Variants in CSNK1G3 observed in about 807,000 individuals in gnomAD.
CSNK1G3 encodes the protein casein kinase I isoform gamma-3.
In CSNK1G3, 23 loss-of-function variants were observed where a neutral mutation model predicts 64.3. The ratio of observed to expected loss-of-function variants is 0.36; its 90% CI spans 0.26 to 0.51. The LOEUF (loss-of-function observed/expected upper bound fraction) is 0.51, where lower values mean the gene tolerates loss of function less well. Ranked by LOEUF, CSNK1G3 falls within the 20% of genes least tolerant of loss-of-function variation. The probability of loss-of-function intolerance (pLI) is 0.96; values close to 1 mark genes in which losing one functional copy is unlikely to be tolerated. For missense variants in CSNK1G3, 357 were observed against 510.5 expected (o/e 0.70, Z 2.90); for synonymous variants, 158 against 162.2 (o/e 0.97, Z 0.20).
At chr5:123,534,507 G>A (rs374247593) in intron 1 of CSNK1G3, among the ~76,000 whole-genome samples, 5 of 152,180 alleles carry the variant, frequency 3.3e-5, no homozygotes, top group African/African-American at 1.2e-4. Flanking sequence ...GATTTTTCTT[G>A]AGGGCTTGAA....
chr5:123,575,119 C>G (rs997260728), intron 5 of CSNK1G3, among the ~76,000 whole-genome samples: 18 of 152,010 alleles, frequency 1.2e-4, no homozygotes, highest in African/African-American at 3.9e-4. Context: ...AAATAATTAA[C>G]AAAAATGAGC....
intron 10 of CSNK1G3, among the ~76,000 whole-genome samples, chr5:123,600,461 C>CT (rs1794264915): frequency 6.6e-6 from 1 of 151,770 alleles, no homozygotes; most frequent in African/African-American, 2.4e-5. Context: ...CCCATCTCTA[C>CT]TAAAAATACA....
chr5:123,605,376 G>T lies in CSNK1G3; in HGVS notation c.1217+14G>T. The T allele has an allele frequency of 6.2e-7, 1 of 1,609,236 alleles. No individual in the cohort carries two copies. The highest frequency in any genetic ancestry group is 8.5e-7 in the Non-Finnish European group (1 of 1,177,884). ...GTTGAACATGTGGTGAGTCTCAAGT[G>T]TAGGCAGGCAGAAATAGCTCCATTG... On this transcript the variant is annotated intron_variant, in intron 12 of 12. Transcript: ENST00000345990.
chr5:123,575,464 A>G (rs1398550990), intron 5 of CSNK1G3, among the ~76,000 whole-genome samples: 3 of 152,224 alleles, frequency 2.0e-5, no homozygotes, highest in Admixed American at 6.5e-5. Context: ...GAAAGTGTTC[A>G]TTGAATCAGG....
Position 123,559,641 on chromosome 5 carries a change from GAC to G in CSNK1G3, c.289+2081_289+2082del, listed in dbSNP as rs138799653. 1.6e-3 allele frequency among the ~76,000 whole-genome samples: 243 copies of G among 151,150 alleles called. 1 individual carries two copies. The highest frequency in any genetic ancestry group is 2.6e-3 in the Non-Finnish European group (175 of 67,900). On this transcript the variant is annotated intron_variant, in intron 4 of 12. Transcript: ENST00000345990. Reference sequence around the variant, plus strand: ...TTGCATCATGGTGGCTCTGAGCTGTGACACATGTGGATATTTTTTAGTATTTT... The same window carrying G: ...TTGCATCATGGTGGCTCTGAGCTGTGACATGTGGATATTTTTTAGTATTTT...
intron 4 of CSNK1G3, among the ~76,000 whole-genome samples, chr5:123,567,004 GA>G (rs1189319938): frequency 6.6e-6 from 1 of 152,192 alleles, no homozygotes; most frequent in Non-Finnish European, 1.5e-5. Flanking sequence ...ATTTACAAAA[GA>G]AAGAGGTTTA....
chr5:123,604,587 G>A (rs1212304180), intron 10 of CSNK1G3, 137 bp from the exon 12 acceptor site: 7 of 493,848 alleles, frequency 1.4e-5, no homozygotes, highest in Non-Finnish European at 2.2e-5. Context: ...ATATTGTTTT[G>A]TGTTCCTCAC....
At chr5:123,534,505 T>C (rs966014859) in intron 1 of CSNK1G3, among the ~76,000 whole-genome samples, 1 of 152,124 alleles carries the variant, frequency 6.6e-6, no homozygotes, top group African/African-American at 2.4e-5. Flanking sequence ...GAGATTTTTC[T>C]TGAGGGCTTG....
intron 1 of CSNK1G3, among the ~76,000 whole-genome samples, chr5:123,542,936 G>A (rs1034798856): frequency 7.6e-6 from 1 of 131,422 alleles, no homozygotes; most frequent in South Asian, 2.3e-4. Flanking sequence ...TTTTTTTTCC[G>A]CCCTCTTCTT....
chr5:123,543,924 G>A (rs1319683756), intron 1 of CSNK1G3, among the ~76,000 whole-genome samples: 1 of 152,128 alleles, frequency 6.6e-6, no homozygotes, highest in South Asian at 2.1e-4. Flanking sequence ...ACTAATGGTG[G>A]AATCCTAATT....
chr5:123,583,778 C>G (rs1790801927), intron 6 of CSNK1G3, among the ~76,000 whole-genome samples: 1 of 152,088 alleles, frequency 6.6e-6, no homozygotes, highest in Non-Finnish European at 1.5e-5. Context: ...CTCCTAGGCT[C>G]AAGGAATCCT....
intron 6 of CSNK1G3, among the ~76,000 whole-genome samples, chr5:123,576,746 T>C (rs1459177251): frequency 6.6e-6 from 1 of 152,132 alleles, no homozygotes; most frequent in Non-Finnish European, 1.5e-5. Flanking sequence ...TAGTGCATCA[T>C]GTTGGGATCA....
At chr5:123,603,388 AT>A (rs1358116081) in intron 10 of CSNK1G3, among the ~76,000 whole-genome samples, 1 of 152,026 alleles carries the variant, frequency 6.6e-6, no homozygotes, top group African/African-American at 2.4e-5. Flanking sequence ...TTGTTTCAGG[AT>A]TTCATTCATG....
At position 123,538,890 on chromosome 5, in the gene CSNK1G3, A is replaced by T. The variant is rs190907688; in HGVS notation, c.-247-6527A>T. 3.0e-3 allele frequency among the ~76,000 whole-genome samples: 452 copies of T among 152,314 alleles called. 3 individuals carry two copies. The highest frequency in any genetic ancestry group is 0.01 in the African/African-American group (419 of 41,570). Reference sequence around the variant, plus strand: ...TTGATGACTATTAAGATTTTTAATGATTAGTGATTTTAGCGTCTTCTAAGA... The same window carrying T: ...TTGATGACTATTAAGATTTTTAATGTTTAGTGATTTTAGCGTCTTCTAAGA... On this transcript the variant is annotated intron_variant, in intron 1 of 12. Transcript: ENST00000345990.
intron 6 of CSNK1G3, among the ~76,000 whole-genome samples, chr5:123,585,310 A>G (rs1328331016): frequency 6.6e-6 from 1 of 152,154 alleles, no homozygotes; most frequent in Non-Finnish European, 1.5e-5. Flanking sequence ...GCAAAAAAAA[A>G]AATTACTTCA....
intron 6 of CSNK1G3, among the ~76,000 whole-genome samples, chr5:123,579,985 AAG>A (rs1789943834): frequency 6.6e-6 from 1 of 152,010 alleles, no homozygotes; most frequent in Non-Finnish European, 1.5e-5. Flanking sequence ...TGAGGAATTA[AAG>A]CATTTGGCAA....
intron 1 of CSNK1G3, among the ~76,000 whole-genome samples, chr5:123,513,133 A>G (rs1490202499): frequency 1.3e-5 from 2 of 152,174 alleles, no homozygotes; most frequent in East Asian, 1.9e-4. Flanking sequence ...CCTGTTTCTT[A>G]GAGCTTTGAC....
chr5:123,577,729 A>T (rs1406827095), intron 6 of CSNK1G3, among the ~76,000 whole-genome samples: 3 of 151,148 alleles, frequency 2.0e-5, no homozygotes, highest in African/African-American at 7.3e-5. Flanking sequence ...TTTTTTTTTT[A>T]TTGAAGTAAA....
intron 4 of CSNK1G3, among the ~76,000 whole-genome samples, chr5:123,560,565 G>A (rs1483610213): frequency 6.6e-6 from 1 of 152,108 alleles, no homozygotes; most frequent in Non-Finnish European, 1.5e-5. Flanking sequence ...GGTGGCTCAC[G>A]CCTATAATCC....
Sources: allele counts gnomAD v4.1 joint callset (sites outside exome capture counted in the v4.1 genomes callset), GRCh38; gene constraint gnomAD v4.1.1; transcripts MANE v1.5; gene names NCBI Gene and HGNC (gene_info 2026-07-23, HGNC 2026-07-21).